The following SEPTIN11 variants were observed in gnomAD, a reference collection of about 807,000 sequenced individuals.
SEPTIN11 encodes the protein septin 11.
A neutral mutation model predicts 51.4 loss-of-function variants in SEPTIN11; 25 were observed. The observed-to-expected ratio is 0.49, with a 90% CI of 0.35 to 0.68. SEPTIN11 has a LOEUF of 0.68. SEPTIN11 is among the 30% of genes least tolerant of loss of function. The probability of loss-of-function intolerance (pLI) is 0.00; values close to 1 mark genes in which losing one functional copy is unlikely to be tolerated. For missense variants in SEPTIN11, 381 were observed against 520.8 expected, an observed-to-expected ratio of 0.73 and a Z score of 2.61; for synonymous variants, 174 against 184.1, an observed-to-expected ratio of 0.95 and a Z score of 0.44.
intron 6 of SEPTIN11, among the ~76,000 whole-genome samples, chr4:77,019,755 C>A (rs1034825775): frequency 6.6e-6 from 1 of 152,172 alleles, no homozygotes; most frequent in African/African-American, 2.4e-5. Flanking sequence ...AAGCTTGTCA[C>A]GTGTGTCACT....
chr4:77,039,839 C>T, downstream of SEPTIN11: 4 of 662,052 alleles, frequency 6.0e-6, no homozygotes, highest in Non-Finnish European at 7.5e-6. Context: ...TTACTTGCAT[C>T]CCTTATATAA....
chr4:77,036,272 T>C lies in SEPTIN11; in HGVS notation c.*1760T>C, dbSNP rs1463610670. On this transcript the variant is annotated 3_prime_UTR_variant, in exon 10 of 10. Transcript: ENST00000264893. ...GCTACTGGACCAACATTCTTGTTTT[T>C]GCTTTTGTTTTTTTAAATAATTCTA... 9.9e-7 allele frequency: 1 copy of C among 1,012,008 alleles called. No homozygotes were observed. Among genetic ancestry groups the C allele is most frequent in the Non-Finnish European group, 1.2e-6 (1 of 846,708 alleles). The allele number at this position is 1,012,008 out of a possible 1,614,324, so 62.7% of individuals were successfully genotyped here. A position where few individuals can be genotyped will look rare whatever the true frequency, so the allele number is the denominator to read the frequency against.
chr4:76,959,973 A>G (rs898557205), intron 1 of SEPTIN11, among the ~76,000 whole-genome samples: 1 of 152,274 alleles, frequency 6.6e-6, no homozygotes, highest in East Asian at 1.9e-4. Context: ...CACCTCAAGC[A>G]TTTATCCTTT....
chr4:77,016,108 G>A (rs1725203787), intron 5 of SEPTIN11, among the ~76,000 whole-genome samples: 1 of 152,096 alleles, frequency 6.6e-6, no homozygotes, highest in South Asian at 2.1e-4. Context: ...AAATTCTCTG[G>A]TTGTGGGTAT....
chr4:76,956,961 G>GAT (rs1486318078), intron 1 of SEPTIN11, among the ~76,000 whole-genome samples: 10 of 39,386 alleles, frequency 2.5e-4, no homozygotes, highest in African/African-American at 1.2e-3. Context: ...ATAGTAGAAT[G>GAT]ATGTGTGTGT....
At chr4:77,019,358 C>A in intron 6 of SEPTIN11, 97 bp downstream of exon 6, 1 of 1,014,774 alleles carries the variant, frequency 9.9e-7, no homozygotes, top group Non-Finnish European at 1.4e-6. Context: ...AGGCCCTCAA[C>A]AGTGGGCTGG....
intron 1 of SEPTIN11, among the ~76,000 whole-genome samples, chr4:76,957,002 G>GAGAGAGAC: frequency 1.2e-5 from 1 of 81,262 alleles, no homozygotes; most frequent in East Asian, 2.8e-4. Context: ...GTGAGAGAGA[G>GAGAGAGAC]AGAGACAGAG....
intron 1 of SEPTIN11, among the ~76,000 whole-genome samples, chr4:76,967,117 A>C (rs1308751200): frequency 6.6e-6 from 1 of 152,162 alleles, no homozygotes; most frequent in African/African-American, 2.4e-5. Flanking sequence ...GAATTGCTTG[A>C]GTCCAGGAGG....
At chr4:76,968,021 T>TTC (rs1234551180) in intron 1 of SEPTIN11, among the ~76,000 whole-genome samples, 1 of 152,080 alleles carries the variant, frequency 6.6e-6, no homozygotes, top group Non-Finnish European at 1.5e-5. Flanking sequence ...GTGGGAGGAA[T>TTC]TCTAGAGTGT....
chr4:77,039,236 C>T, downstream of SEPTIN11: 2 of 1,211,690 alleles, frequency 1.7e-6, no homozygotes, highest in Non-Finnish European at 2.1e-6. Flanking sequence ...TATTGCACTG[C>T]TGTTTGTACT....
rs73826484 is a variant in SEPTIN11, at chr4:76,996,648, C to T, written c.142+109C>T. On this transcript the variant is annotated intron_variant, in intron 2 of 9. Transcript: ENST00000264893. ...TAAGAATGACATGTTTATTCTCTTT[C>T]TTTCATCAGTAAAACAAGGCAAAAT... is the stretch of plus-strand genomic sequence containing the variant. 4,551 of 822,166 alleles carry T rather than the reference C, an allele frequency of 5.5e-3. 147 individuals carry two copies. The African/African-American group carries it at 0.068, about 12-fold the overall frequency. 50.9% of individuals were successfully genotyped at this position (822,166 alleles called of 1,614,324 possible).
At chr4:77,007,016 A>G (rs182593708) in intron 3 of SEPTIN11, among the ~76,000 whole-genome samples, 1 of 152,330 alleles carries the variant, frequency 6.6e-6, no homozygotes, top group East Asian at 1.9e-4. Flanking sequence ...GCATACCAAA[A>G]TGGACTATCT....
chr4:76,968,986 T>C (rs1018226082), intron 1 of SEPTIN11, among the ~76,000 whole-genome samples: 1 of 152,160 alleles, frequency 6.6e-6, no homozygotes. Context: ...TTGAGAAATA[T>C]GGAGTTGGAA....
chr4:77,002,135 G>A (rs1014927246), intron 2 of SEPTIN11, among the ~76,000 whole-genome samples: 2 of 152,102 alleles, frequency 1.3e-5, no homozygotes, highest in African/African-American at 4.8e-5. Context: ...CCATAGAAAT[G>A]GAAAGCAAAG....
chr4:77,036,473 A>C lies in SEPTIN11; in HGVS notation c.*1961A>C, dbSNP rs543319500. ...GGCTTGTACAGAAAGTACACTTTTAAATTGTCTCTTGCATCACTAAAATTT... is the reference window on the plus strand; with the variant it reads ...GGCTTGTACAGAAAGTACACTTTTACATTGTCTCTTGCATCACTAAAATTT... On this transcript the variant is annotated 3_prime_UTR_variant, in exon 10 of 10. Coordinates refer to ENST00000264893, the MANE Select transcript of SEPTIN11 (RefSeq NM_018243.4). 1.6e-6 allele frequency: 2 copies of C among 1,266,126 alleles called. No homozygotes were observed. The highest frequency in any genetic ancestry group is 3.4e-5 in the South Asian group (2 of 59,670). The allele number at this position is 1,266,126 out of a possible 1,614,324, so 78.4% of individuals were successfully genotyped here.
chr4:76,989,987 G>A (rs572137244), intron 1 of SEPTIN11, among the ~76,000 whole-genome samples: 1 of 152,296 alleles, frequency 6.6e-6, no homozygotes, highest in Admixed American at 6.5e-5. Context: ...GACCCAAAGA[G>A]TGCGCAGCGG....
intron 9 of SEPTIN11, chr4:77,031,307 G>C (rs1445711089): frequency 5.2e-6 from 1 of 191,650 alleles, no homozygotes; most frequent in African/African-American, 2.3e-5. Context: ...CATGACTCTT[G>C]ATAGAGAGCA....
intron 1 of SEPTIN11, among the ~76,000 whole-genome samples, chr4:76,993,842 C>T (rs1250029133): frequency 6.6e-6 from 1 of 152,156 alleles, no homozygotes; most frequent in Admixed American, 6.5e-5. Context: ...TATAACCCTT[C>T]ATTTTGTATG....
Position 77,037,356 on chromosome 4 carries a change from TC to T in SEPTIN11, c.*2846del. On this transcript the variant is annotated 3_prime_UTR_variant, in exon 10 of 10. Coordinates refer to ENST00000264893, the MANE Select transcript of SEPTIN11 (RefSeq NM_018243.4). ...CAACCTGGGTGATGAAGTGAGACTC[TC>T]CAAAAAAAAAAAAGAAATTATTAAT... 1.0e-6 allele frequency: 1 copy of T among 955,980 alleles called. No individual in the cohort carries two copies. The highest frequency in any genetic ancestry group is 1.8e-5 in the African/African-American group (1 of 54,594). 59.2% of individuals were successfully genotyped at this position (955,980 alleles called of 1,614,324 possible). A position where few individuals can be genotyped will look rare whatever the true frequency, so the allele number is the denominator to read the frequency against.
Sources: allele counts gnomAD v4.1 joint callset (sites outside exome capture counted in the v4.1 genomes callset), GRCh38; gene constraint gnomAD v4.1.1; transcripts MANE v1.5; gene names NCBI Gene and HGNC (gene_info 2026-07-23, HGNC 2026-07-21).